Variants in NHSL1 observed in about 807,000 individuals in gnomAD.
The protein encoded by NHSL1 is NHS like 1.
A neutral mutation model predicts 95.0 loss-of-function variants in NHSL1; 48 were observed. The observed-to-expected ratio is 0.51, with a 90% CI of 0.40 to 0.64. NHSL1 has a LOEUF of 0.64. Ranked by LOEUF, NHSL1 falls within the 30% of genes least tolerant of loss-of-function variation. The pLI, the probability that NHSL1 is intolerant of heterozygous loss-of-function variation, is 0.00. For synonymous variants in NHSL1, 783 were observed against 833.9 expected (o/e 0.94, Z 1.05); for missense variants, 1,971 against 2,077.7 (o/e 0.95, Z 1.00).
At chr6:138,504,066 C>A (rs905733021), upstream of NHSL1, among the ~76,000 whole-genome samples, 1 of 135,006 alleles carries the variant, frequency 7.4e-6, no homozygotes, top group Non-Finnish European at 1.7e-5. Context: ...CCCTATCCCC[C>A]CAAAAATACA....
At chr6:138,499,816 T>C (rs1179655561), upstream of NHSL1, among the ~76,000 whole-genome samples, 3 of 152,146 alleles carry the variant, frequency 2.0e-5, no homozygotes, top group Non-Finnish European at 4.4e-5. Flanking sequence ...TCAGGGTATA[T>C]GGGATTTGAA....
intron 1 of NHSL1, among the ~76,000 whole-genome samples, chr6:138,556,671 T>G (rs907110661): frequency 6.6e-6 from 1 of 151,814 alleles, no homozygotes; most frequent in African/African-American, 2.4e-5. Context: ...AACAAATTCA[T>G]GGAAAACCAG....
chr6:138,510,151 C>T (rs1354381623), intron 1 of NHSL1, among the ~76,000 whole-genome samples: 1 of 152,178 alleles, frequency 6.6e-6, no homozygotes, highest in Non-Finnish European at 1.5e-5. Flanking sequence ...ATGAAACAAT[C>T]GCTGTGAACT....
chr6:138,601,409 TTG>T (rs1784368068), intron 1 of NHSL1, among the ~76,000 whole-genome samples: 1 of 152,210 alleles, frequency 6.6e-6, no homozygotes. Context: ...CCCTAGACAC[TTG>T]TGTGGCTATT....
intron 1 of NHSL1, among the ~76,000 whole-genome samples, chr6:138,586,919 G>GT (rs771048953): frequency 5.1e-4 from 77 of 151,702 alleles, no homozygotes; most frequent in Non-Finnish European, 9.9e-4. Context: ...TTTCATAAAG[G>GT]TTCTTATTCA....
chr6:138,546,983 G>A (rs376444775), upstream of NHSL1, among the ~76,000 whole-genome samples: 15 of 152,322 alleles, frequency 9.8e-5, no homozygotes, highest in East Asian at 2.7e-3. Flanking sequence ...TCCCCACAGA[G>A]ACGTGAGTCT....
chr6:138,655,831 C>T (rs144479657), intron 1 of NHSL1, among the ~76,000 whole-genome samples: 34 of 152,230 alleles, frequency 2.2e-4, no homozygotes, highest in Admixed American at 4.6e-4. Context: ...ACCCATTGCC[C>T]TCTCTTTTTG....
At chr6:138,558,269 C>G (rs1783272377) in intron 1 of NHSL1, among the ~76,000 whole-genome samples, 1 of 151,430 alleles carries the variant, frequency 6.6e-6, no homozygotes, top group South Asian at 2.1e-4. Context: ...ACTACAGGCA[C>G]CCACCACCAC....
At chr6:138,455,300 A>C (rs1206611234) in intron 3 of NHSL1, among the ~76,000 whole-genome samples, 1 of 152,230 alleles carries the variant, frequency 6.6e-6, no homozygotes, top group Non-Finnish European at 1.5e-5. Context: ...AGTAGCACTT[A>C]AAAACTTTTT....
chr6:138,559,634 T>C (rs1038678061), intron 1 of NHSL1, among the ~76,000 whole-genome samples: 1 of 152,098 alleles, frequency 6.6e-6, no homozygotes, highest in African/African-American at 2.4e-5. Context: ...AGAAATTCCA[T>C]CATAGCTTGT....
At chr6:138,564,958 G>A (rs1372625373) in intron 1 of NHSL1, among the ~76,000 whole-genome samples, 1 of 152,158 alleles carries the variant, frequency 6.6e-6, no homozygotes, top group Admixed American at 6.5e-5. Context: ...CTGGAGTTGT[G>A]AAAAAGCAAT....
upstream of NHSL1, among the ~76,000 whole-genome samples, chr6:138,504,279 G>A (rs980285158): frequency 6.6e-6 from 1 of 152,098 alleles, no homozygotes; most frequent in Admixed American, 6.5e-5. Flanking sequence ...GAACGTATTC[G>A]CTGCCTTGTG....
At chr6:138,545,659 G>T in exon 1 of NHSL1, 1 of 1,289,262 alleles carries the variant, frequency 7.8e-7, no homozygotes, top group Non-Finnish European at 1.0e-6. Context: ...TTCCATGGAG[G>T]GGCTGTGCTC....
chr6:138,690,211 T>C (rs1363139205), intron 1 of NHSL1, among the ~76,000 whole-genome samples: 1 of 152,202 alleles, frequency 6.6e-6, no homozygotes, highest in Non-Finnish European at 1.5e-5. Flanking sequence ...GCAGAACAAC[T>C]TCAAACTGTA....
At chr6:138,689,099 G>A (rs917866541) in intron 1 of NHSL1, among the ~76,000 whole-genome samples, 5 of 152,098 alleles carry the variant, frequency 3.3e-5, no homozygotes, top group African/African-American at 1.2e-4. Context: ...CCTCCCTAAG[G>A]TTTTTATAGT....
intron 1 of NHSL1, among the ~76,000 whole-genome samples, chr6:138,534,345 TGAC>T (rs1782252519): frequency 6.6e-6 from 1 of 152,152 alleles, no homozygotes. Flanking sequence ...CCTTGGTACA[TGAC>T]GACCCCACAA....
chr6:138,458,519 C>T (rs1321241666), intron 3 of NHSL1, among the ~76,000 whole-genome samples: 1 of 151,994 alleles, frequency 6.6e-6, no homozygotes, highest in Non-Finnish European at 1.5e-5. Flanking sequence ...ATGGTGAAAC[C>T]CCATCTCTAC....
chr6:138,454,963 G>A (rs1469547260), intron 3 of NHSL1, among the ~76,000 whole-genome samples: 1 of 152,226 alleles, frequency 6.6e-6, no homozygotes, highest in African/African-American at 2.4e-5. Flanking sequence ...TAATCTAGAA[G>A]AGAAGGCAGG....
chr6:138,483,165 AGAG>A lies in NHSL1; in HGVS notation c.212-9735_212-9733del, dbSNP rs375771091. 1.1e-3 allele frequency among the ~76,000 whole-genome samples: 170 copies of A among 152,360 alleles called. 1 individual carries two copies. The highest frequency in any genetic ancestry group is 3.6e-3 in the African/African-American group (149 of 41,590). ...CATTTAGGGTGGAGGTAAAAGTGAAAGAGGAGAAGTCTTCTCTACTCAGAGGAG... is the reference window on the plus strand; with the variant it reads ...CATTTAGGGTGGAGGTAAAAGTGAAAGAGAAGTCTTCTCTACTCAGAGGAG... On this transcript the variant is annotated intron_variant, in intron 2 of 7. Coordinates refer to ENST00000343505, the MANE Select transcript of NHSL1 (RefSeq NM_001144060.2).
Sources: gnomAD v4.1 joint callset for allele counts (sites outside exome capture counted in the v4.1 genomes callset) on GRCh38, gnomAD v4.1.1 for gene constraint, MANE v1.5 for transcripts, NCBI Gene and HGNC (gene_info 2026-07-23, HGNC 2026-07-21) for gene names.